Variants in DHRS2 observed in about 807,000 individuals in gnomAD.
DHRS2 encodes the protein dehydrogenase/reductase 2.
Under a neutral mutation model 26.3 loss-of-function variants are expected in DHRS2, and 29 were observed. The observed-to-expected ratio is 1.10, with a 90% CI of 0.82 to 1.50. The LOEUF (loss-of-function observed/expected upper bound fraction) is 1.50. Ranked by LOEUF, DHRS2 falls within the 40% of genes most tolerant of loss-of-function variation. DHRS2 has a pLI of 0.00. For synonymous variants in DHRS2, 164 were observed against 151.3 expected, an observed-to-expected ratio of 1.08 and a Z score of -0.62; for missense variants, 439 against 367.1, an observed-to-expected ratio of 1.20 and a Z score of -1.60.
chr14:23,634,154 A>T (rs2138358465), upstream of DHRS2, among the ~76,000 whole-genome samples: 1 of 129,646 alleles, frequency 7.7e-6, no homozygotes, highest in South Asian at 2.6e-4. Flanking sequence ...TGCAACCTCC[A>T]ACTCCTGGGT....
chr14:23,634,446 C>G (rs532363572), upstream of DHRS2, among the ~76,000 whole-genome samples: 3 of 152,176 alleles, frequency 2.0e-5, no homozygotes, highest in South Asian at 4.1e-4. Flanking sequence ...TTGTGGTGAT[C>G]ACTGCCCTGC....
Position 23,643,157 on chromosome 14 carries a change from A to G in DHRS2, c.426A>G (p.Leu142=). The G allele has an allele frequency of 1.9e-6, 3 of 1,614,022 alleles. No individual in the cohort carries two copies. The highest frequency in any genetic ancestry group is 2.5e-6 in the Non-Finnish European group (3 of 1,179,976). Residue 142 remains leucine (L), a synonymous_variant, in exon 5 of 9, where the codon CTA becomes CTG. Transcript: ENST00000250383. ...GTSEQIWDKI[L]SVNVKSPALL... ...ATGCTCTGCTCTGATTTCAGATCCT[A>G]AGTGTGAACGTGAAGTCCCCAGCCC...
In DHRS2 at chr14:23,639,268, T is replaced by C. The variant is rs1318541917; in HGVS notation, c.230T>C (p.Met77Thr). The C allele has an allele frequency of 6.2e-6, 10 of 1,611,970 alleles. No homozygotes were observed. Among genetic ancestry groups the C allele is most frequent in the Non-Finnish European group, 8.5e-6 (10 of 1,179,040 alleles). The change falls in exon 3 of 9, where the codon ATG becomes ACG. Residue 77 changes from methionine (M) to threonine (T), a missense_variant. Physicochemically the swap from Met to Thr is moderately conservative, Grantham distance 81 (BLOSUM62 -1). Coordinates refer to ENST00000250383, the MANE Select transcript of DHRS2 (RefSeq NM_005794.4). The stretch of plus-strand genomic sequence containing the variant: ...AAGCAGCAGAACGTGGACCGGGCCA[T>C]GGCCAAGCTGCAGGGGGAGGGGCTG... ...SRKQQNVDRA[M>T]AKLQGEGLSV...
At chr14:23,632,901 AC>A (rs1163397858), upstream of DHRS2, among the ~76,000 whole-genome samples, 4 of 152,264 alleles carry the variant, frequency 2.6e-5, no homozygotes, top group South Asian at 6.2e-4. Context: ...TGAAAAGCAC[AC>A]TGCTAAGTCC....
In DHRS2 at chr14:23,638,817, T is replaced by A; in HGVS notation, c.-38-10T>A. 6.3e-7 allele frequency: 1 copy of A among 1,589,990 alleles called. No individual in the cohort carries two copies. The highest frequency in any genetic ancestry group is 1.1e-5 in the South Asian group (1 of 88,066). On this transcript the variant is annotated splice_polypyrimidine_tract_variant and intron_variant, in intron 1 of 8. Transcript: ENST00000250383. Reference sequence around the variant, plus strand: ...CATCAGTGATAAGTGAAATTGATTCTTTCCCCCAGGCCTGATTCAGCAGGA... The same window carrying A: ...CATCAGTGATAAGTGAAATTGATTCATTCCCCCAGGCCTGATTCAGCAGGA...
chr14:23,644,973 G>A (rs1890818007), intron 8 of DHRS2, 91 bp downstream of exon 8: 1 of 1,567,302 alleles, frequency 6.4e-7, no homozygotes, highest in African/African-American at 1.4e-5. Context: ...CTGTCATCTG[G>A]CCATTGTTTT....
Position 23,638,912 on chromosome 14 carries a change from T to A in DHRS2, c.48T>A (p.Cys16Ter). 1 of 1,614,186 alleles carries A rather than the reference T, an allele frequency of 6.2e-7. No homozygotes were observed. Among genetic ancestry groups the A allele is most frequent in the Non-Finnish European group, 8.5e-7 (1 of 1,180,024 alleles). Reference sequence around the variant, plus strand: ...GCTACCAGGGCTGGTTTCATCCCTGTGCTAGGCTTTCTGTGAGGATGAGCA... The same window carrying A: ...GCTACCAGGGCTGGTTTCATCCCTGAGCTAGGCTTTCTGTGAGGATGAGCA... ...ARGYQGWFHP[C>*]ARLSVRMSST... The change falls in exon 2 of 9, where the codon TGT becomes TGA. Residue 16 changes from cysteine to a stop codon, truncating the protein, a stop_gained. Transcript: ENST00000250383. LOFTEE classifies it high-confidence loss of function.
intron 4 of DHRS2, chr14:23,641,638 A>C: frequency 7.8e-7 from 1 of 1,289,788 alleles, no homozygotes; most frequent in Non-Finnish European, 1.0e-6. Flanking sequence ...CCTTACAGCT[A>C]ACCTAATCCT....
intron 1 of DHRS2, chr14:23,638,204 C>T (rs1306929118): frequency 6.5e-6 from 1 of 154,676 alleles, no homozygotes; most frequent in Non-Finnish European, 1.4e-5. Context: ...TGCAGCTTCA[C>T]TCCTGAAGCC....
chr14:23,638,344 G>C (rs554843772), intron 1 of DHRS2: 1 of 176,852 alleles, frequency 5.7e-6, no homozygotes, highest in African/African-American at 2.4e-5. Context: ...GCGAGGGTCC[G>C]TGGCTTCATT....
chr14:23,641,784 T>C, intron 4 of DHRS2: 1 of 1,287,146 alleles, frequency 7.8e-7, no homozygotes, highest in South Asian at 1.2e-5. Flanking sequence ...GCTTAAGTAT[T>C]TCTCCTTCCC....
chr14:23,641,821 G>GA, intron 4 of DHRS2: 1 of 1,267,454 alleles, frequency 7.9e-7, no homozygotes. Flanking sequence ...GTGGGAGTGA[G>GA]ATTGGGGGGT....
Position 23,639,777 on chromosome 14 carries a change from C to T in DHRS2, c.319-17C>T. The T allele has an allele frequency of 6.3e-7, 1 of 1,594,066 alleles. No homozygotes were observed. Among genetic ancestry groups the T allele is most frequent in the Non-Finnish European group, 8.5e-7 (1 of 1,170,296 alleles). ...TCCTCAGGCCATCTCCACACTCATC[C>T]AATCTCCTCTCCGCAGGCCCTGGAG... On this transcript the variant is annotated splice_polypyrimidine_tract_variant and intron_variant, in intron 3 of 8. Coordinates refer to ENST00000250383, the MANE Select transcript of DHRS2 (RefSeq NM_005794.4).
chr14:23,643,947 G>A, intron 5 of DHRS2, 164 bp from the exon 6 acceptor site: 6 of 705,776 alleles, frequency 8.5e-6, no homozygotes, highest in Non-Finnish European at 1.5e-5. Context: ...GTATTGGCTG[G>A]TACTAAACCT....
chr14:23,639,252 A>T lies in DHRS2; in HGVS notation c.214A>T (p.Asn72Tyr). The T allele has an allele frequency of 6.2e-7, 1 of 1,613,672 alleles. No individual in the cohort carries two copies. Among genetic ancestry groups the T allele is most frequent in the South Asian group, 1.1e-5 (1 of 91,002 alleles). Residue 72 changes from asparagine (N) to tyrosine (Y), a missense_variant, in exon 3 of 9, where the codon AAC (asparagine) becomes TAC (tyrosine). Asn to Tyr is a moderately radical substitution (Grantham distance 143). Coordinates refer to ENST00000250383, the MANE Select transcript of DHRS2 (RefSeq NM_005794.4). ...GGTCATCAGCAGCCGGAAGCAGCAG[A>T]ACGTGGACCGGGCCATGGCCAAGCT... ...HVVISSRKQQNVDRAMAKLQG... is the reference protein window; with the variant it reads ...HVVISSRKQQYVDRAMAKLQG...
upstream of DHRS2, among the ~76,000 whole-genome samples, chr14:23,634,536 C>T (rs1890213800): frequency 6.6e-6 from 1 of 152,106 alleles, no homozygotes; most frequent in South Asian, 2.1e-4. Flanking sequence ...CTTGTGGACT[C>T]AAATAATATG....
At position 23,644,389 on chromosome 14, in the gene DHRS2, T is replaced by G; in HGVS notation, c.541-20T>G. ...CCCCACTCTCCCATATCCTAATCAC[T>G]CTGTCAATTCCCTTCCCAGGCGCTG... On this transcript the variant is annotated intron_variant, in intron 6 of 8. Coordinates refer to ENST00000250383, the MANE Select transcript of DHRS2 (RefSeq NM_005794.4). 6 of 1,613,794 alleles carry G rather than the reference T, an allele frequency of 3.7e-6. No homozygotes were observed. Among genetic ancestry groups the G allele is most frequent in the Non-Finnish European group, 5.1e-6 (6 of 1,179,912 alleles).
upstream of DHRS2, among the ~76,000 whole-genome samples, chr14:23,631,552 C>A (rs72688306): frequency 3.7e-3 from 556 of 151,988 alleles, 2 homozygotes; most frequent in Non-Finnish European, 6.0e-3. Context: ...TCCTCTACCC[C>A]CCCCACCCCT....
upstream of DHRS2, among the ~76,000 whole-genome samples, chr14:23,634,789 A>C (rs1890222432): frequency 6.6e-6 from 1 of 152,138 alleles, no homozygotes; most frequent in Non-Finnish European, 1.5e-5. Flanking sequence ...GAGGGGGCCT[A>C]GTGGAAGGTG....
Sources: gnomAD v4.1 joint callset for allele counts (sites outside exome capture counted in the v4.1 genomes callset) on GRCh38, gnomAD v4.1.1 for gene constraint, MANE v1.5 for transcripts, NCBI Gene and HGNC (gene_info 2026-07-23, HGNC 2026-07-21) for gene names.